WWC2: variants seen among roughly 807,000 people sequenced by gnomAD.
WWC2 encodes WW and C2 domain containing 2.
WWC2 carries 101 observed loss-of-function variants against 138.5 expected under a neutral mutation model. The ratio of observed to expected loss-of-function variants is 0.73; its 90% confidence interval spans 0.62 to 0.86. The LOEUF (loss-of-function observed/expected upper bound fraction) is 0.86. Among genes scored for constraint, WWC2 ranks in the 40% least tolerant of loss-of-function variants. The pLI, the probability that WWC2 is intolerant of heterozygous loss-of-function variation, is 0.00. For synonymous variants in WWC2, 558 were observed against 538.4 expected, an observed-to-expected ratio of 1.04 and a Z score of -0.50; for missense variants, 1,420 against 1,419.4, an observed-to-expected ratio of 1.00 and a Z score of -0.01.
At chr4:183,315,571 A>G (rs1217287389) in intron 22 of WWC2, 92 bp from the exon 23 acceptor site, 1 of 889,828 alleles carries the variant, frequency 1.1e-6, no homozygotes, top group Non-Finnish European at 1.7e-6. Flanking sequence ...CAGAGACATC[A>G]CTGCCACTGC....
At position 183,320,179 on chromosome 4, in the gene WWC2, CT is replaced by C; in HGVS notation, c.*4451del. 1 of 1,614,166 alleles carries C rather than the reference CT, an allele frequency of 6.2e-7. No homozygotes were observed. Among genetic ancestry groups the C allele is most frequent in the Non-Finnish European group, 8.5e-7 (1 of 1,180,018 alleles). On this transcript the variant is annotated 3_prime_UTR_variant, in exon 23 of 23. Transcript: ENST00000403733. ...ACCCATCCCAGCAAAGATAATGAAA[CT>C]CCAGCTAGTTGAGCTACAGTTCTAA... is the stretch of plus-strand genomic sequence containing the variant.
At chr4:183,281,299 A>T (rs1738067966) in intron 17 of WWC2, 1 of 220,798 alleles carries the variant, frequency 4.5e-6, no homozygotes, top group African/African-American at 2.3e-5. Context: ...GTATTTAAAA[A>T]ACAACTTCTG....
chr4:183,157,374 G>C (rs1230981524), intron 1 of WWC2, among the ~76,000 whole-genome samples: 1 of 152,124 alleles, frequency 6.6e-6, no homozygotes, highest in African/African-American at 2.4e-5. Context: ...TCCATTCCCC[G>C]TGATACTAAC....
intron 1 of WWC2, among the ~76,000 whole-genome samples, chr4:183,136,586 T>C (rs903376514): frequency 2.0e-5 from 3 of 152,172 alleles, no homozygotes; most frequent in Admixed American, 2.0e-4. Context: ...GAGAAATGTG[T>C]TATTAGGCAG....
At chr4:183,135,535 G>A (rs937551020) in intron 1 of WWC2, among the ~76,000 whole-genome samples, 1 of 151,384 alleles carries the variant, frequency 6.6e-6, no homozygotes, top group African/African-American at 2.4e-5. Flanking sequence ...CTTTTGTTCA[G>A]TACTTTAATT....
intron 1 of WWC2, among the ~76,000 whole-genome samples, chr4:183,184,636 A>G (rs1250948227): frequency 1.3e-5 from 2 of 151,906 alleles, no homozygotes; most frequent in Admixed American, 6.6e-5. Context: ...CCTTGTCAAT[A>G]CTCGTGTCTT....
chr4:183,210,257 G>A (rs1476647895), intron 4 of WWC2, among the ~76,000 whole-genome samples: 1 of 152,056 alleles, frequency 6.6e-6, no homozygotes, highest in Non-Finnish European at 1.5e-5. Flanking sequence ...ATAAAACAGT[G>A]GTTACCGTGG....
intron 4 of WWC2, among the ~76,000 whole-genome samples, chr4:183,231,118 A>G (rs1467827329): frequency 1.3e-5 from 2 of 152,158 alleles, no homozygotes; most frequent in Non-Finnish European, 2.9e-5. Flanking sequence ...AACATTGTAA[A>G]CTAAATACAG....
intron 4 of WWC2, among the ~76,000 whole-genome samples, chr4:183,226,449 T>C (rs953081133): frequency 2.0e-5 from 3 of 151,030 alleles, no homozygotes; most frequent in South Asian, 2.1e-4. Context: ...AAAATACATA[T>C]AAATTTTGTA....
At chr4:183,281,513 A>G (rs896512296) in intron 17 of WWC2, 1 of 152,236 alleles carries the variant, frequency 6.6e-6, no homozygotes, top group African/African-American at 2.4e-5. Context: ...TTTTAAGTAT[A>G]TATGTGAAAT....
rs1738127111 is a variant in WWC2, at chr4:183,282,914, T to C, written c.2883+8T>C. On this transcript the variant is annotated splice_region_variant and intron_variant, in intron 18 of 22. Transcript: ENST00000403733. ...ACTAGAATACCAACACTGGTGACTA[T>C]TCCGCTGTGCTGTCTTAAAACTGAT... 1.3e-6 allele frequency: 2 copies of C among 1,568,056 alleles called. No homozygotes were observed. The highest frequency in any genetic ancestry group is 1.2e-5 in the South Asian group (1 of 84,738).
In WWC2 at chr4:183,269,096, C is replaced by A; in HGVS notation, c.2333C>A (p.Ala778Asp). The change falls in exon 15 of 23, where the codon GCC becomes GAC. Residue 778 changes from alanine to aspartate, a missense_variant. Transcript: ENST00000403733. Reference protein sequence around the residue: ...DVFRVAISQTALQQKTLRVDL... With the variant: ...DVFRVAISQTDLQQKTLRVDL... The stretch of plus-strand genomic sequence containing the variant: ...TTCAGAGTCGCCATTTCCCAAACAG[C>A]CTTACAACAGAAGACACTGAGGGTA... The A allele has an allele frequency of 6.2e-7, 1 of 1,613,934 alleles. No individual in the cohort carries two copies. The highest frequency in any genetic ancestry group is 8.5e-7 in the Non-Finnish European group (1 of 1,179,872).
intron 1 of WWC2, among the ~76,000 whole-genome samples, chr4:183,106,774 A>G (rs1365407570): frequency 2.0e-5 from 3 of 152,062 alleles, no homozygotes; most frequent in Non-Finnish European, 4.4e-5. Context: ...CATTTTCATG[A>G]CTTAATAATA....
intron 8 of WWC2, among the ~76,000 whole-genome samples, chr4:183,251,834 TAAGTA>T (rs1736990868): frequency 6.6e-6 from 1 of 151,772 alleles, no homozygotes; most frequent in South Asian, 2.1e-4. Flanking sequence ...CAATTCTGAT[TAAGTA>T]AAGAGGCAGG....
At chr4:183,309,218 A>G (rs1739130386) in intron 21 of WWC2, among the ~76,000 whole-genome samples, 1 of 152,234 alleles carries the variant, frequency 6.6e-6, no homozygotes, top group African/African-American at 2.4e-5. Context: ...GGCATGATCC[A>G]TGAAAGAAAT....
intron 1 of WWC2, among the ~76,000 whole-genome samples, chr4:183,141,281 T>TC (rs895021696): frequency 6.6e-6 from 1 of 152,180 alleles, no homozygotes; most frequent in African/African-American, 2.4e-5. Context: ...TCTTGCTGTG[T>TC]CCCCACATGG....
rs1273853906 is a variant in WWC2, at chr4:183,183,345, C to T, written c.132-10254C>T. On this transcript the variant is annotated intron_variant, in intron 1 of 22. Coordinates refer to ENST00000403733, the MANE Select transcript of WWC2 (RefSeq NM_024949.6). ...TTTTCCCTAACAGTCTCCCTTCCCC[C>T]ACCTGGAATCAACATTTTAATGGTT... 4.0e-5 allele frequency among the ~76,000 whole-genome samples: 6 copies of T among 151,670 alleles called. 1 individual carries two copies. The highest frequency in any genetic ancestry group is 8.8e-5 in the Non-Finnish European group (6 of 67,978).
In WWC2 at chr4:183,288,544, C is replaced by T. The variant is rs115875609; in HGVS notation, c.3142-849C>T. ...AGTGATCCATCCCCTTCCCTGACTT[C>T]CTGTGCACTTCTGCACTCACTCACA... On this transcript the variant is annotated intron_variant, in intron 20 of 22. Transcript: ENST00000403733. Among the ~76,000 whole-genome samples, 402 of 152,318 alleles carry T rather than the reference C, an allele frequency of 2.6e-3. 2 individuals carry two copies. Among genetic ancestry groups the T allele is most frequent in the Admixed American group, 6.5e-3 (99 of 15,306 alleles).
intron 1 of WWC2, among the ~76,000 whole-genome samples, chr4:183,160,924 A>G (rs1429575325): frequency 6.6e-6 from 1 of 152,178 alleles, no homozygotes; most frequent in Non-Finnish European, 1.5e-5. Context: ...CAGAAGATGT[A>G]AGATCGAGAA....
Sources: allele counts gnomAD v4.1 joint callset (sites outside exome capture counted in the v4.1 genomes callset), GRCh38; gene constraint gnomAD v4.1.1; transcripts MANE v1.5; gene names NCBI Gene and HGNC (gene_info 2026-07-23, HGNC 2026-07-21).